The following SCAI variants were observed in gnomAD, a reference collection of about 807,000 sequenced individuals.
The protein encoded by SCAI is protein SCAI.
In SCAI, 24 loss-of-function variants were observed where a neutral mutation model predicts 92.2. That is an observed-to-expected ratio of 0.26 (90% CI 0.19 to 0.37). The LOEUF is 0.37. Among genes scored for constraint, SCAI ranks in the 10% least tolerant of loss-of-function variants. The probability of loss-of-function intolerance (pLI) is 1.00; values close to 1 mark genes in which losing one functional copy is unlikely to be tolerated. For synonymous variants in SCAI, 261 were observed against 258.6 expected (o/e 1.01, Z -0.09); for missense variants, 450 against 736.2 (o/e 0.61, Z 4.50).
At chr9:125,118,477 A>G (rs1835095509) in intron 2 of SCAI, among the ~76,000 whole-genome samples, 1 of 152,072 alleles carries the variant, frequency 6.6e-6, no homozygotes, top group South Asian at 2.1e-4. Context: ...TGATCCTGCC[A>G]CTGCATTCCA....
chr9:125,002,846 A>G (rs1832391310), intron 11 of SCAI, among the ~76,000 whole-genome samples: 2 of 151,736 alleles, frequency 1.3e-5, no homozygotes, highest in African/African-American at 2.4e-5. Context: ...GAGAACCACT[A>G]TTATCATTAA....
At chr9:124,963,697 C>T (rs1588119245) in intron 17 of SCAI, among the ~76,000 whole-genome samples, 1 of 127,630 alleles carries the variant, frequency 7.8e-6, no homozygotes, top group South Asian at 2.5e-4. Flanking sequence ...TTGCAGTGAG[C>T]TGAGATCGCG....
rs928362568 is a variant in SCAI, at chr9:125,135,978, AAAAAAAAC to A, written c.98+6647_98+6654del. 1.3e-4 allele frequency among the ~76,000 whole-genome samples: 19 copies of A among 151,880 alleles called. No homozygotes were observed. In the East Asian group the frequency reaches 1.6e-3, roughly 12 times the overall value. On this transcript the variant is annotated intron_variant, in intron 2 of 17. Transcript: ENST00000336505. ...GCAAAACTCCATCTCAAACAAAAAA[AAAAAAAAC>A]AAAAAAAAAACCATAATTCTGTCAA...
chr9:124,947,618 A>G lies in SCAI; in HGVS notation c.*5189T>C, dbSNP rs1831167685. On this transcript the variant is annotated 3_prime_UTR_variant, in exon 18 of 18. Transcript: ENST00000336505. ...TAATATACACATACTGTATCACTGC[A>G]TACCAATATATTTACAAATATGTAT... The G allele has an allele frequency of 6.6e-6, 1 of 152,226 alleles. No homozygotes were observed. Among genetic ancestry groups the G allele is most frequent in the Non-Finnish European group, 1.5e-5 (1 of 68,024 alleles). 9.4% of individuals were successfully genotyped at this position (152,226 alleles called of 1,614,324 possible).
chr9:124,989,442 G>A (rs1056605035), intron 14 of SCAI, among the ~76,000 whole-genome samples: 10 of 151,896 alleles, frequency 6.6e-5, no homozygotes, highest in African/African-American at 9.7e-5. Context: ...TTAGCCAGGC[G>A]TGGTGGTGTG....
intron 3 of SCAI, among the ~76,000 whole-genome samples, chr9:125,046,196 G>GATATAT (rs71374222): frequency 0.066 from 3,400 of 51,788 alleles, 235 homozygotes; most frequent in African/African-American, 0.12. Flanking sequence ...GAAATTGTGA[G>GATATAT]ATATATATAT....
At chr9:125,124,936 C>T (rs1835229093) in intron 2 of SCAI, among the ~76,000 whole-genome samples, 1 of 152,216 alleles carries the variant, frequency 6.6e-6, no homozygotes, top group African/African-American at 2.4e-5. Flanking sequence ...AGGACTACCT[C>T]CCAATCTGTG....
At chr9:125,008,087 C>T (rs771227602) in intron 9 of SCAI, among the ~76,000 whole-genome samples, 9 of 102,106 alleles carry the variant, frequency 8.8e-5, no homozygotes, top group South Asian at 7.0e-4. Context: ...CCTTGTGATC[C>T]GCCCGCCTCG....
intron 2 of SCAI, among the ~76,000 whole-genome samples, chr9:125,066,646 G>C (rs566195427): frequency 6.6e-6 from 1 of 151,908 alleles, no homozygotes; most frequent in Non-Finnish European, 1.5e-5. Context: ...TAGTAGATAC[G>C]GGGTTTCACT....
At position 125,092,131 on chromosome 9, in the gene SCAI, TAAAAAAAAAA is replaced by T. The variant is rs71374225; in HGVS notation, c.99-36134_99-36125del. ...GGCGACAGAGCAAGACTCCGTCTCTTAAAAAAAAAAAAAAAAAAAAAAAAAAAAAAAAAAA... is the reference window on the plus strand; with the variant it reads ...GGCGACAGAGCAAGACTCCGTCTCTTAAAAAAAAAAAAAAAAAAAAAAAAA... On this transcript the variant is annotated intron_variant, in intron 2 of 17. Coordinates refer to ENST00000336505, the MANE Select transcript of SCAI (RefSeq NM_001144877.3). Among the ~76,000 whole-genome samples the T allele has an allele frequency of 4.6e-3, 279 of 61,098 alleles. 9 individuals carry two copies. Among genetic ancestry groups the T allele is most frequent in the Admixed American group, 0.038 (159 of 4,192 alleles). 40.1% of individuals were successfully genotyped at this position (61,098 alleles called of 152,430 possible).
intron 2 of SCAI, among the ~76,000 whole-genome samples, chr9:125,122,175 T>C (rs1835168290): frequency 6.6e-6 from 1 of 152,258 alleles, no homozygotes; most frequent in African/African-American, 2.4e-5. Context: ...GTGATTACAC[T>C]AGGATTTCTC....
intron 2 of SCAI, among the ~76,000 whole-genome samples, chr9:125,096,079 A>G (rs1223408456): frequency 6.6e-6 from 1 of 152,108 alleles, no homozygotes; most frequent in Non-Finnish European, 1.5e-5. Context: ...TTATACACTC[A>G]TCCTGTATTA....
At chr9:125,062,477 G>T (rs866397890) in intron 2 of SCAI, among the ~76,000 whole-genome samples, 1 of 150,816 alleles carries the variant, frequency 6.6e-6, no homozygotes, top group Non-Finnish European at 1.5e-5. Context: ...CAGGCTGGGC[G>T]CAGTGGCTCA....
chr9:125,094,453 C>A (rs150060917), intron 2 of SCAI, among the ~76,000 whole-genome samples: 172 of 152,326 alleles, frequency 1.1e-3, no homozygotes, highest in African/African-American at 3.8e-3. Flanking sequence ...CATCTTATTG[C>A]ATTTCTGGTC....
intron 2 of SCAI, among the ~76,000 whole-genome samples, chr9:125,138,129 G>A (rs1835578801): frequency 1.3e-5 from 2 of 151,982 alleles, no homozygotes; most frequent in South Asian, 4.2e-4. Context: ...ATTTTGAAAA[G>A]AAGTGGGAAA....
intron 14 of SCAI, among the ~76,000 whole-genome samples, chr9:124,981,225 G>C (rs546940898): frequency 3.9e-5 from 6 of 152,212 alleles, no homozygotes; most frequent in Non-Finnish European, 8.8e-5. Flanking sequence ...TAACCACTTT[G>C]ATGAATTTAT....
chr9:124,987,832 A>G (rs1371473868), intron 14 of SCAI, among the ~76,000 whole-genome samples: 1 of 152,002 alleles, frequency 6.6e-6, no homozygotes, highest in Non-Finnish European at 1.5e-5. Context: ...GTGTGGTGGC[A>G]CACACCTGTA....
At chr9:125,083,242 G>A (rs1242673209) in intron 2 of SCAI, among the ~76,000 whole-genome samples, 2 of 152,102 alleles carry the variant, frequency 1.3e-5, no homozygotes, top group African/African-American at 4.8e-5. Flanking sequence ...TGCAGGCCGG[G>A]CATGGTGGCT....
rs869167558 is a variant in SCAI, at chr9:125,004,779, A to ATT, written c.862-1211_862-1210dup. Among the ~76,000 whole-genome samples the ATT allele has an allele frequency of 7.6e-4, 10 of 13,172 alleles. 2 individuals are homozygous for ATT. Among genetic ancestry groups the ATT allele is most frequent in the East Asian group, 2.9e-3 (1 of 340 alleles). 8.6% of individuals were successfully genotyped at this position (13,172 alleles called of 152,430 possible). A position where few individuals can be genotyped will look rare whatever the true frequency, so the allele number is the denominator to read the frequency against. On this transcript the variant is annotated intron_variant, in intron 9 of 17. Transcript: ENST00000336505. ...TATATATATATATATATATATATAT[A>ATT]TTTTTTTTTTTTTTTTTTTTTTTTT...
Sources: gnomAD v4.1 joint callset for allele counts (sites outside exome capture counted in the v4.1 genomes callset) on GRCh38, gnomAD v4.1.1 for gene constraint, MANE v1.5 for transcripts, NCBI Gene and HGNC (gene_info 2026-07-23, HGNC 2026-07-21) for gene names.